The following STXBP5L variants were observed in gnomAD, a reference collection of about 807,000 sequenced individuals.
STXBP5L encodes syntaxin binding protein 5L.
In STXBP5L, 65 loss-of-function variants were observed where a neutral mutation model predicts 144.5. That is an observed-to-expected ratio of 0.45 (90% CI 0.37 to 0.55). The LOEUF (loss-of-function observed/expected upper bound fraction) is 0.55, where lower values mean the gene tolerates loss of function less well. Ranked by LOEUF, STXBP5L falls within the 20% of genes least tolerant of loss-of-function variation. The pLI, the probability that STXBP5L is intolerant of heterozygous loss-of-function variation, is 0.00. For synonymous variants in STXBP5L, 505 were observed against 469.6 expected, an observed-to-expected ratio of 1.08 and a Z score of -0.97; for missense variants, 1,298 against 1,405.5, an observed-to-expected ratio of 0.92 and a Z score of 1.22.
At chr3:121,192,917 G>A (rs1029854233) in intron 9 of STXBP5L, among the ~76,000 whole-genome samples, 5 of 151,988 alleles carry the variant, frequency 3.3e-5, no homozygotes, top group Non-Finnish European at 7.4e-5. Context: ...CATGGGCAAG[G>A]ACTTCATAAC....
chr3:120,954,912 C>A (rs771632803), intron 2 of STXBP5L, 28 bp from the exon 3 acceptor site: 1 of 1,574,292 alleles, frequency 6.4e-7, no homozygotes, highest in South Asian at 1.1e-5. Context: ...TCCCTAGAGA[C>A]TTATTGGTAT....
Position 121,254,888 on chromosome 3 carries a change from C to A in STXBP5L, c.1442-7C>A, listed in dbSNP as rs368424234. 6.3e-7 allele frequency: 1 copy of A among 1,599,624 alleles called. No individual in the cohort carries two copies. The highest frequency in any genetic ancestry group is 8.5e-7 in the Non-Finnish European group (1 of 1,173,942). ...TTAGAAGATAACTGTGCTTCGATGT[C>A]TTATAGTAACTCTGCAGATGCTGTA... is the stretch of plus-strand genomic sequence containing the variant. On this transcript the variant is annotated splice_polypyrimidine_tract_variant and splice_region_variant and intron_variant, in intron 15 of 26. Transcript: ENST00000471454.
At chr3:121,180,654 C>A (rs750570798) in intron 9 of STXBP5L, among the ~76,000 whole-genome samples, 5 of 152,168 alleles carry the variant, frequency 3.3e-5, no homozygotes, top group Admixed American at 6.5e-5. Context: ...GCAGGTGGAT[C>A]ACTTGAGTTC....
chr3:121,003,039 A>G (rs537243183), intron 3 of STXBP5L, among the ~76,000 whole-genome samples: 1 of 152,300 alleles, frequency 6.6e-6, no homozygotes, highest in South Asian at 2.1e-4. Flanking sequence ...TCTTTATAGC[A>G]GCATGTTTTA....
At chr3:121,354,152 A>G (rs180982502) in intron 20 of STXBP5L, among the ~76,000 whole-genome samples, 47 of 152,302 alleles carry the variant, frequency 3.1e-4, no homozygotes, top group African/African-American at 9.1e-4. Context: ...AAAAATGTAT[A>G]TTCTGTTGAT....
intron 2 of STXBP5L, among the ~76,000 whole-genome samples, chr3:120,923,528 T>C (rs960591711): frequency 4.6e-5 from 7 of 152,182 alleles, no homozygotes; most frequent in Admixed American, 1.3e-4. Flanking sequence ...TTTCAGTATA[T>C]TGTATTTCCA....
At chr3:120,950,391 T>C (rs1711133865) in intron 2 of STXBP5L, among the ~76,000 whole-genome samples, 1 of 152,124 alleles carries the variant, frequency 6.6e-6, no homozygotes, top group African/African-American at 2.4e-5. Context: ...TCTATCCTTA[T>C]GCCAATACCT....
intron 20 of STXBP5L, among the ~76,000 whole-genome samples, chr3:121,343,335 C>A (rs2044808189): frequency 6.6e-6 from 1 of 151,738 alleles, no homozygotes; most frequent in South Asian, 2.1e-4. Context: ...TGTGCAGAAG[C>A]TCTTTACAGG....
At chr3:121,068,656 ATT>A (rs559248438) in intron 5 of STXBP5L, among the ~76,000 whole-genome samples, 84 of 151,872 alleles carry the variant, frequency 5.5e-4, no homozygotes, top group Middle Eastern at 3.4e-3. Context: ...TTTTTTTTGT[ATT>A]TTATTTTCAC....
chr3:121,040,844 T>A (rs1159574101), intron 3 of STXBP5L, among the ~76,000 whole-genome samples: 1 of 152,150 alleles, frequency 6.6e-6, no homozygotes, highest in Non-Finnish European at 1.5e-5. Context: ...TGATATGCAG[T>A]GTCTTAAAAT....
At chr3:121,028,154 T>A (rs1946087038) in intron 3 of STXBP5L, among the ~76,000 whole-genome samples, 1 of 152,078 alleles carries the variant, frequency 6.6e-6, no homozygotes, top group South Asian at 2.1e-4. Flanking sequence ...AACATTAGAA[T>A]TAATTTGTTT....
chr3:121,003,735 T>C (rs1159918402), intron 3 of STXBP5L, among the ~76,000 whole-genome samples: 1 of 152,116 alleles, frequency 6.6e-6, no homozygotes, highest in Non-Finnish European at 1.5e-5. Context: ...TTGTATAAGG[T>C]GTAAGGAAGG....
intron 19 of STXBP5L, among the ~76,000 whole-genome samples, chr3:121,282,927 C>T (rs2051108544): frequency 6.6e-6 from 1 of 151,802 alleles, no homozygotes. Context: ...TAATATCAAC[C>T]TTTACCATGG....
At chr3:121,318,620 G>T in intron 20 of STXBP5L, 80 bp downstream of exon 20, 1 of 1,044,022 alleles carries the variant, frequency 9.6e-7, no homozygotes, top group African/African-American at 1.6e-5. Context: ...TCTTTATAAT[G>T]TGAAATTTAT....
At chr3:121,043,597 T>C (rs1042426541) in intron 4 of STXBP5L, among the ~76,000 whole-genome samples, 2 of 152,234 alleles carry the variant, frequency 1.3e-5, no homozygotes, top group Non-Finnish European at 2.9e-5. Flanking sequence ...TAGTCCCAGC[T>C]ACTCAGGAGG....
At chr3:121,058,865 G>C (rs960618091) in intron 5 of STXBP5L, among the ~76,000 whole-genome samples, 2 of 152,156 alleles carry the variant, frequency 1.3e-5, no homozygotes, top group Admixed American at 1.3e-4. Context: ...GTAGATTCTG[G>C]ATATTAGCCT....
Position 121,250,728 on chromosome 3 carries a change from CAG to C in STXBP5L, c.1408_1409del (p.Asp470TrpfsTer26). ...CTAATTTATTTCTCATCTAGTCATG[CAG>C]ATGGATCAATAAAATTTTGGGATGC... On this transcript the variant is annotated frameshift_variant, in exon 15 of 27. Transcript: ENST00000471454. LOFTEE classifies it high-confidence loss of function. 6.2e-7 allele frequency: 1 copy of C among 1,608,078 alleles called. No homozygotes were observed. Among genetic ancestry groups the C allele is most frequent in the Non-Finnish European group, 8.5e-7 (1 of 1,176,740 alleles).
intron 3 of STXBP5L, among the ~76,000 whole-genome samples, chr3:121,029,075 A>G (rs1347494049): frequency 6.6e-6 from 1 of 152,196 alleles, no homozygotes; most frequent in Non-Finnish European, 1.5e-5. Context: ...GGATAGGAAG[A>G]ATCAATATCG....
chr3:121,097,212 G>A (rs2043174722), intron 5 of STXBP5L, among the ~76,000 whole-genome samples: 1 of 152,184 alleles, frequency 6.6e-6, no homozygotes, highest in Non-Finnish European at 1.5e-5. Flanking sequence ...GTTGATCTCT[G>A]ACTGCTGTTG....
Sources: allele counts gnomAD v4.1 joint callset (sites outside exome capture counted in the v4.1 genomes callset), GRCh38; gene constraint gnomAD v4.1.1; transcripts MANE v1.5; gene names NCBI Gene and HGNC (gene_info 2026-07-23, HGNC 2026-07-21).